Variants in MAMDC2 observed in about 807,000 individuals in gnomAD.
MAMDC2 encodes MAM domain-containing protein 2.
Under a neutral mutation model 89.8 loss-of-function variants are expected in MAMDC2, and 57 were observed. That is an observed-to-expected ratio of 0.63 (90% CI 0.51 to 0.79). MAMDC2 has a LOEUF of 0.79. MAMDC2 is among the 30% of genes least tolerant of loss of function. The probability of loss-of-function intolerance (pLI) is 0.00; values close to 1 mark genes in which losing one functional copy is unlikely to be tolerated. For synonymous variants in MAMDC2, 313 were observed against 293.4 expected (o/e 1.07, Z -0.68); for missense variants, 800 against 820.6 (o/e 0.97, Z 0.31).
intron 2 of MAMDC2, among the ~76,000 whole-genome samples, chr9:70,077,451 A>G (rs1036458036): frequency 6.6e-6 from 1 of 152,220 alleles, no homozygotes; most frequent in South Asian, 2.1e-4. Flanking sequence ...TGCTTGCCCA[A>G]TGGGGCTATT....
intron 9 of MAMDC2, among the ~76,000 whole-genome samples, chr9:70,150,094 G>A (rs971578145): frequency 6.6e-6 from 1 of 152,186 alleles, no homozygotes; most frequent in Admixed American, 6.5e-5. Flanking sequence ...GTCCTCATGT[G>A]TACCCTGTAA....
chr9:70,207,080 A>C (rs189895169), intron 11 of MAMDC2, among the ~76,000 whole-genome samples: 20 of 152,358 alleles, frequency 1.3e-4, no homozygotes, highest in East Asian at 5.8e-4. Context: ...AATAGTGCTG[A>C]AATAAACATA....
At chr9:70,191,749 T>C (rs1039289025) in intron 11 of MAMDC2, among the ~76,000 whole-genome samples, 6 of 152,048 alleles carry the variant, frequency 3.9e-5, no homozygotes, top group Admixed American at 1.3e-4. Context: ...AAAAATATAC[T>C]CTCGGATTTA....
chr9:70,116,154 G>T (rs1236214555), intron 5 of MAMDC2, among the ~76,000 whole-genome samples: 1 of 152,204 alleles, frequency 6.6e-6, no homozygotes, highest in African/African-American at 2.4e-5. Flanking sequence ...GTCAAACCCT[G>T]TGGGTAACCA....
Position 70,049,990 on chromosome 9 carries a change from A to C in MAMDC2, c.148+5293A>C, listed in dbSNP as rs1255272945. 2.0e-5 allele frequency among the ~76,000 whole-genome samples: 3 copies of C among 152,082 alleles called. No individual in the cohort carries two copies. In the South Asian group the frequency reaches 6.2e-4, roughly 32 times the overall value. On this transcript the variant is annotated intron_variant, in intron 2 of 13. Coordinates refer to ENST00000377182, the MANE Select transcript of MAMDC2 (RefSeq NM_153267.5). ...GCTCTCCACCAGTTCTTTTTCCTCCAGCATTGGAGGAAACATCCCTGTCTC... is the reference window on the plus strand; with the variant it reads ...GCTCTCCACCAGTTCTTTTTCCTCCCGCATTGGAGGAAACATCCCTGTCTC...
At chr9:70,205,738 C>A (rs766691250) in intron 11 of MAMDC2, among the ~76,000 whole-genome samples, 5 of 152,090 alleles carry the variant, frequency 3.3e-5, no homozygotes, top group African/African-American at 1.2e-4. Flanking sequence ...GTTAATAATC[C>A]CTTCCACAGA....
At position 70,084,501 on chromosome 9, in the gene MAMDC2, G is replaced by A. The variant is rs147926023; in HGVS notation, c.149-23710G>A. On this transcript the variant is annotated intron_variant, in intron 2 of 13. Coordinates refer to ENST00000377182, the MANE Select transcript of MAMDC2 (RefSeq NM_153267.5). ...GGGCTCCATATAGTCACAATCACAC[G>A]CTAGATAGGTATCCCCAGTGGTTCT... Among the ~76,000 whole-genome samples the A allele has an allele frequency of 8.5e-5, 13 of 152,116 alleles. No homozygotes were observed. The East Asian group carries it at 2.3e-3, about 27-fold the overall frequency.
intron 2 of MAMDC2, 99 bp downstream of exon 2, chr9:70,044,796 C>A: frequency 2.2e-6 from 2 of 906,466 alleles, no homozygotes; most frequent in South Asian, 1.5e-5. Context: ...AGTTAATTCT[C>A]CGCGGCAAGA....
At chr9:70,181,710 C>G (rs1204133573) in intron 11 of MAMDC2, among the ~76,000 whole-genome samples, 3 of 152,166 alleles carry the variant, frequency 2.0e-5, no homozygotes, top group Non-Finnish European at 4.4e-5. Context: ...GATTTTGTAT[C>G]CAGAGACTTT....
At chr9:70,163,056 A>G (rs2118499054) in intron 9 of MAMDC2, among the ~76,000 whole-genome samples, 1 of 152,260 alleles carries the variant, frequency 6.6e-6, no homozygotes, top group Non-Finnish European at 1.5e-5. Flanking sequence ...AGATGAAAAT[A>G]AAGAGGAGAT....
At chr9:70,051,888 GAGATAGATAGATAGAT>G (rs71364576) in intron 2 of MAMDC2, among the ~76,000 whole-genome samples, 1 of 148,916 alleles carries the variant, frequency 6.7e-6, no homozygotes, top group Non-Finnish European at 1.5e-5. Context: ...TAGATAGATA[GAGATAGATAGATAGAT>G]AGATAGATAG....
chr9:70,180,026 C>T (rs984054134), intron 11 of MAMDC2, among the ~76,000 whole-genome samples: 3 of 151,706 alleles, frequency 2.0e-5, no homozygotes, highest in Non-Finnish European at 4.4e-5. Flanking sequence ...CCCCCACCCC[C>T]CAACAGGCCC....
At chr9:70,182,775 A>G (rs1238760178) in intron 11 of MAMDC2, among the ~76,000 whole-genome samples, 5 of 151,976 alleles carry the variant, frequency 3.3e-5, no homozygotes, top group Non-Finnish European at 7.4e-5. Context: ...CGGTCTATCT[A>G]TTTTATTGAT....
chr9:70,072,901 T>G lies in MAMDC2; in HGVS notation c.148+28204T>G, dbSNP rs1827440866. On this transcript the variant is annotated intron_variant, in intron 2 of 13. Transcript: ENST00000377182. ...TGTCCACTGGAGTGCAGTGGTGCAA[T>G]CTCGGCTCACTGCAACCTCCGCCTG... is the stretch of plus-strand genomic sequence containing the variant. Among the ~76,000 whole-genome samples, 6 of 152,178 alleles carry G rather than the reference T, an allele frequency of 3.9e-5. 1 individual carries two copies. The South Asian group carries it at 1.2e-3, about 32-fold the overall frequency.
At chr9:70,213,026 C>T (rs1029602190) in intron 11 of MAMDC2, among the ~76,000 whole-genome samples, 3 of 152,116 alleles carry the variant, frequency 2.0e-5, no homozygotes, top group Non-Finnish European at 2.9e-5. Flanking sequence ...ATGAATTAGT[C>T]CATTGTGCCC....
intron 7 of MAMDC2, among the ~76,000 whole-genome samples, chr9:70,133,183 T>C (rs2030871211): frequency 6.6e-6 from 1 of 152,234 alleles, no homozygotes; most frequent in Non-Finnish European, 1.5e-5. Flanking sequence ...CTGAAATTTA[T>C]ATTCCCTTGT....
At chr9:70,207,652 A>C (rs1395948075) in intron 11 of MAMDC2, among the ~76,000 whole-genome samples, 3 of 151,964 alleles carry the variant, frequency 2.0e-5, no homozygotes, top group Non-Finnish European at 2.9e-5. Context: ...CCCATTTGTC[A>C]ATTTTGGCTT....
intron 11 of MAMDC2, among the ~76,000 whole-genome samples, chr9:70,212,104 G>C (rs1474460772): frequency 6.6e-6 from 1 of 152,248 alleles, no homozygotes; most frequent in Admixed American, 6.5e-5. Flanking sequence ...CAGTCTGTCT[G>C]TTCTCAGATC....
At chr9:70,218,086 C>G (rs1037474165) in intron 11 of MAMDC2, among the ~76,000 whole-genome samples, 4 of 152,186 alleles carry the variant, frequency 2.6e-5, no homozygotes, top group African/African-American at 9.7e-5. Context: ...TGGCATAATA[C>G]TGGTATATTA....
Sources: gnomAD v4.1 joint callset for allele counts (sites outside exome capture counted in the v4.1 genomes callset) on GRCh38, gnomAD v4.1.1 for gene constraint, MANE v1.5 for transcripts, NCBI Gene and HGNC (gene_info 2026-07-23, HGNC 2026-07-21) for gene names.